Variants in SEC23B observed in about 807,000 individuals in gnomAD.
SEC23B encodes the protein protein transport protein Sec23B.
Under a neutral mutation model 104.3 loss-of-function variants are expected in SEC23B, and 77 were observed. That is an observed-to-expected ratio of 0.74 (90% CI 0.61 to 0.89). SEC23B has a LOEUF of 0.89. SEC23B is among the 40% of genes least tolerant of loss of function. SEC23B has a pLI of 0.00. For synonymous variants in SEC23B, 338 were observed against 332.5 expected, an observed-to-expected ratio of 1.02 and a Z score of -0.18; for missense variants, 885 against 949.4, an observed-to-expected ratio of 0.93 and a Z score of 0.89.
chr20:18,547,360 G>T (rs1378637464), intron 15 of SEC23B, among the ~76,000 whole-genome samples: 1 of 152,176 alleles, frequency 6.6e-6, no homozygotes, highest in Non-Finnish European at 1.5e-5. Context: ...TGACTTGCAT[G>T]TAGGATGTAT....
intron 15 of SEC23B, 55 bp from the exon 16 acceptor site, chr20:18,548,553 GT>G (rs2060355854): frequency 1.3e-6 from 2 of 1,547,524 alleles, no homozygotes; most frequent in Admixed American, 3.4e-5. Context: ...TACTCTGTGG[GT>G]GTCTAAGAAG....
At chr20:18,516,843 G>T (rs866621074) in intron 4 of SEC23B, among the ~76,000 whole-genome samples, 1 of 151,794 alleles carries the variant, frequency 6.6e-6, no homozygotes, top group East Asian at 1.9e-4. Flanking sequence ...GTGAGCCACC[G>T]CACCCGGCCA....
At chr20:18,523,146 G>A (rs935940149) in intron 4 of SEC23B, among the ~76,000 whole-genome samples, 1 of 151,868 alleles carries the variant, frequency 6.6e-6, no homozygotes. Context: ...TTTACCCAGG[G>A]TAAAAGACAG....
intron 3 of SEC23B, among the ~76,000 whole-genome samples, chr20:18,513,725 T>C (rs1327722953): frequency 6.6e-6 from 1 of 152,256 alleles, no homozygotes; most frequent in Non-Finnish European, 1.5e-5. Context: ...CAGAAGTATA[T>C]AGAAATCTTA....
At chr20:18,529,548 C>T (rs1163691788) in intron 9 of SEC23B, among the ~76,000 whole-genome samples, 1 of 152,186 alleles carries the variant, frequency 6.6e-6, no homozygotes, top group African/African-American at 2.4e-5. Context: ...CGGGCTGAGG[C>T]TCCTACTAAG....
intron 10 of SEC23B, among the ~76,000 whole-genome samples, chr20:18,532,450 T>A (rs2060195624): frequency 6.6e-6 from 1 of 152,234 alleles, no homozygotes; most frequent in African/African-American, 2.4e-5. Flanking sequence ...AAAATGCTCA[T>A]GTTTCAAGTG....
intron 5 of SEC23B, 55 bp from the exon 6 acceptor site, chr20:18,524,880 T>A: frequency 6.4e-7 from 1 of 1,573,474 alleles, no homozygotes; most frequent in Non-Finnish European, 8.7e-7. Context: ...TAAAAATTAG[T>A]CATTCACTTT....
intron 17 of SEC23B, 22 bp downstream of exon 17, chr20:18,551,197 A>T: frequency 7.6e-7 from 1 of 1,315,616 alleles, no homozygotes; most frequent in Non-Finnish European, 1.1e-6. Flanking sequence ...TTATTAATTA[A>T]TTAATTTCTT....
In SEC23B at chr20:18,510,866, A is replaced by G; in HGVS notation, c.31A>G (p.Asn11Asp). 1 of 1,614,088 alleles carries G rather than the reference A, an allele frequency of 6.2e-7. No individual in the cohort carries two copies. Among genetic ancestry groups the G allele is most frequent in the Non-Finnish European group, 8.5e-7 (1 of 1,179,934 alleles). The change falls in exon 2 of 20, where the codon AAT becomes GAT. Residue 11 changes from asparagine (N) to aspartate (D), a missense_variant. Physicochemically the swap from Asn to Asp is conservative, Grantham distance 23 (BLOSUM62 1). Coordinates refer to ENST00000650089, the MANE Select transcript of SEC23B (RefSeq NM_006363.6). Reference sequence around the variant, plus strand: ...GACATACCTGGAGTTCATCCAGCAGAATGAAGAACGGGATGGTGTGCGTTT... The same window carrying G: ...GACATACCTGGAGTTCATCCAGCAGGATGAAGAACGGGATGGTGTGCGTTT... MATYLEFIQQ[N>D]EERDGVRFSW...
Position 18,548,272 on chromosome 20 carries a change from AT to A in SEC23B, c.1744-335del, listed in dbSNP as rs1386362083. Among the ~76,000 whole-genome samples the A allele has an allele frequency of 6.7e-5, 10 of 149,130 alleles. No homozygotes were observed. The East Asian group carries it at 1.8e-3, about 26-fold the overall frequency. On this transcript the variant is annotated intron_variant, in intron 15 of 19. Transcript: ENST00000650089. ...GGCCAAAGGCCCTTTAAAAAAAAAA[AT>A]TAATTTTTAATGTGGTAAAACACAC...
In SEC23B at chr20:18,543,380, C is replaced by T. The variant is rs45467001; in HGVS notation, c.1665+208C>T. ...ACATTATAGTTGGGAAGAAACAACA[C>T]GCATGGAGCATTTGGAGAGTGATAC... On this transcript the variant is annotated intron_variant, in intron 14 of 19. Coordinates refer to ENST00000650089, the MANE Select transcript of SEC23B (RefSeq NM_006363.6). Among the ~76,000 whole-genome samples the T allele has an allele frequency of 0.013, 1,981 of 152,236 alleles. 23 individuals carry two copies. Among genetic ancestry groups the T allele is most frequent in the Non-Finnish European group, 0.022 (1,483 of 68,020 alleles).
chr20:18,549,610 G>A (rs1863663959), intron 16 of SEC23B, among the ~76,000 whole-genome samples: 2 of 151,722 alleles, frequency 1.3e-5, no homozygotes, highest in African/African-American at 2.4e-5. Flanking sequence ...AAATAGAAAC[G>A]TTTCTAAATA....
intron 16 of SEC23B, among the ~76,000 whole-genome samples, chr20:18,549,309 CA>C (rs1229375375): frequency 3.3e-5 from 5 of 152,106 alleles, no homozygotes; most frequent in Non-Finnish European, 7.4e-5. Context: ...AACCTTGGCA[CA>C]TCCTCCTATA....
intron 11 of SEC23B, among the ~76,000 whole-genome samples, chr20:18,533,120 C>T (rs2060201067): frequency 6.6e-6 from 1 of 152,174 alleles, no homozygotes; most frequent in South Asian, 2.1e-4. Context: ...GCTCATTGCC[C>T]TTAGAGGTGA....
At chr20:18,536,252 T>G (rs2060229727) in intron 12 of SEC23B, among the ~76,000 whole-genome samples, 1 of 152,228 alleles carries the variant, frequency 6.6e-6, no homozygotes, top group Non-Finnish European at 1.5e-5. Context: ...GGTTTCCTAT[T>G]GCATATAAAA....
At chr20:18,560,504 T>A in intron 19 of SEC23B, 147 bp from the exon 20 acceptor site, 3 of 706,444 alleles carry the variant, frequency 4.2e-6, no homozygotes, top group East Asian at 2.6e-5. Context: ...AAAGAAGTTG[T>A]TCGTGAGGCA....
At chr20:18,521,599 G>A (rs1034465317) in intron 4 of SEC23B, among the ~76,000 whole-genome samples, 2 of 152,182 alleles carry the variant, frequency 1.3e-5, no homozygotes, top group Non-Finnish European at 2.9e-5. Context: ...GGTAAGCCAG[G>A]CCGGGTGTGA....
At chr20:18,547,727 T>A (rs1430490884) in intron 15 of SEC23B, among the ~76,000 whole-genome samples, 1 of 151,996 alleles carries the variant, frequency 6.6e-6, no homozygotes, top group Non-Finnish European at 1.5e-5. Context: ...CTCCTGGCCC[T>A]CCACCCCCAC....
At chr20:18,546,310 C>T (rs2060331083) in intron 15 of SEC23B, among the ~76,000 whole-genome samples, 1 of 152,206 alleles carries the variant, frequency 6.6e-6, no homozygotes, top group Non-Finnish European at 1.5e-5. Context: ...AAATATCTCT[C>T]ATGTGTAGAA....
Sources: allele counts gnomAD v4.1 joint callset (sites outside exome capture counted in the v4.1 genomes callset), GRCh38; gene constraint gnomAD v4.1.1; transcripts MANE v1.5; gene names NCBI Gene and HGNC (gene_info 2026-07-23, HGNC 2026-07-21).